Variants in BAHCC1 observed in about 807,000 individuals in gnomAD.
The protein encoded by BAHCC1 is BAH domain and coiled-coil containing 1.
In BAHCC1, 43 loss-of-function variants were observed where a neutral mutation model predicts 88.2. That is an observed-to-expected ratio of 0.49 (90% confidence interval 0.38 to 0.63). The LOEUF is 0.63. BAHCC1 is among the 20% of genes least tolerant of loss of function. The pLI is 0.00. For synonymous variants in BAHCC1, 1,510 were observed against 745.5 expected, an observed-to-expected ratio of 2.03 and a Z score of -16.71; for missense variants, 3,023 against 1,654.8, an observed-to-expected ratio of 1.83 and a Z score of -14.34.
chr17:81,416,769 T>C (rs1555648806), intron 2 of BAHCC1, among the ~76,000 whole-genome samples: 2 of 152,190 alleles, frequency 1.3e-5, no homozygotes, highest in East Asian at 3.8e-4. Flanking sequence ...CCTGTGTCAT[T>C]GACGTCGCCT....
chr17:81,434,604 C>T lies in BAHCC1; in HGVS notation c.359-3766C>T, dbSNP rs1421860385. On this transcript the variant is annotated intron_variant, in intron 3 of 27. Coordinates refer to ENST00000675386, the MANE Select transcript of BAHCC1 (RefSeq NM_001377448.1). This position sits in a 1 kb window ranked among gnomAD's most constrained non-coding sequence, Gnocchi z 4.9. Reference sequence around the variant, plus strand: ...TGCAGTGGGAAGTCCCCTGACCCCCCAGGTGATCTTGGTCCTTCTGCTGGC... The same window carrying T: ...TGCAGTGGGAAGTCCCCTGACCCCCTAGGTGATCTTGGTCCTTCTGCTGGC... 6.6e-6 allele frequency among the ~76,000 whole-genome samples: 1 copy of T among 152,114 alleles called. No individual in the cohort carries two copies. Among genetic ancestry groups the T allele is most frequent in the Non-Finnish European group, 1.5e-5 (1 of 68,000 alleles).
chr17:81,417,297 C>T (rs2064045266), intron 2 of BAHCC1, among the ~76,000 whole-genome samples: 1 of 152,154 alleles, frequency 6.6e-6, no homozygotes, highest in South Asian at 2.1e-4. Flanking sequence ...GCGCTGACCA[C>T]CCTGGTTGCA....
In BAHCC1 at chr17:81,452,124, G is replaced by C. The variant is rs782384207; in HGVS notation, c.4316+17G>C. The C allele has an allele frequency of 1.7e-6, 1 of 592,788 alleles. No homozygotes were observed. The highest frequency in any genetic ancestry group is 3.0e-6 in the Non-Finnish European group (1 of 338,070). The allele number at this position is 592,788 out of a possible 1,614,324, so 36.7% of individuals were successfully genotyped here. A position where few individuals can be genotyped will look rare whatever the true frequency, so the allele number is the denominator to read the frequency against. ...CGACCATGAGTACGCCTGGCGTGGC[G>C]GGGGGGCCTGGGAGGGTCGCAGCAC... On this transcript the variant is annotated intron_variant, in intron 13 of 27. Transcript: ENST00000675386.
chr17:81,457,403 CT>C lies in BAHCC1; in HGVS notation c.4859-6del, dbSNP rs2064769125. The C allele has an allele frequency of 1.3e-6, 1 of 765,112 alleles. No individual in the cohort carries two copies. The allele number at this position is 765,112 out of a possible 1,614,324, so 47.4% of individuals were successfully genotyped here. A position where few individuals can be genotyped will look rare whatever the true frequency, so the allele number is the denominator to read the frequency against. ...AAGTCATCAGGACCCCTCTGCCTCT[CT>C]CCCAGGCAGTGGCTATGACAGTGAG... On this transcript the variant is annotated splice_region_variant and splice_polypyrimidine_tract_variant and intron_variant, in intron 16 of 27. Transcript: ENST00000675386.
chr17:81,445,647 G>C lies in BAHCC1; in HGVS notation c.3129G>C (p.Gln1043His), dbSNP rs2064512493. The change falls in exon 10 of 28, where the codon CAG (glutamine) becomes CAC (histidine). Residue 1043 changes from glutamine to histidine, a missense_variant. Transcript: ENST00000675386. The stretch of plus-strand genomic sequence containing the variant: ...CCGAGGAAAAGAATGGGGAGGGTCA[G>C]CAGTCCACGGCCGACATCATCACAT... ...RSAEEKNGEGQQSTADIITSE... is the reference protein window; with the variant it reads ...RSAEEKNGEGHQSTADIITSE... 2.7e-6 allele frequency: 2 copies of C among 733,190 alleles called. No homozygotes were observed. Among genetic ancestry groups the C allele is most frequent in the Non-Finnish European group, 5.1e-6 (2 of 394,738 alleles). 45.4% of individuals were successfully genotyped at this position (733,190 alleles called of 1,614,324 possible).
At position 81,420,608 on chromosome 17, in the gene BAHCC1, C is replaced by T. The variant is rs1046841918; in HGVS notation, c.179-6192C>T. Among the ~76,000 whole-genome samples, 6 of 152,374 alleles carry T rather than the reference C, an allele frequency of 3.9e-5. No individual in the cohort carries two copies. The South Asian group carries it at 6.2e-4, about 16-fold the overall frequency. On this transcript the variant is annotated intron_variant, in intron 2 of 27. Transcript: ENST00000675386. Reference sequence around the variant, plus strand: ...TCCCGAAACCATTTCCTCAGCTAGCCGGCCGCCCAAGCCAGGCCTCTACAG... The same window carrying T: ...TCCCGAAACCATTTCCTCAGCTAGCTGGCCGCCCAAGCCAGGCCTCTACAG...
chr17:81,403,530 A>T (rs1235801647), intron 2 of BAHCC1, among the ~76,000 whole-genome samples: 3 of 151,012 alleles, frequency 2.0e-5, no homozygotes, highest in Non-Finnish European at 4.4e-5. Flanking sequence ...ACCAAAAAAT[A>T]CCCCCAACTT....
chr17:81,397,452 A>C (rs1222470301), intron 1 of BAHCC1, among the ~76,000 whole-genome samples: 5 of 150,604 alleles, frequency 3.3e-5, no homozygotes, highest in African/African-American at 1.2e-4. Context: ...GACTCCCTGG[A>C]GGCCGCCAGG....
intron 3 of BAHCC1, among the ~76,000 whole-genome samples, chr17:81,428,851 C>T (rs2064229502): frequency 2.0e-5 from 3 of 152,254 alleles, no homozygotes. Context: ...TGGGTTCCAT[C>T]TGCTCCCGAG....
At chr17:81,419,020 C>T (rs895242179) in intron 2 of BAHCC1, among the ~76,000 whole-genome samples, 10 of 151,934 alleles carry the variant, frequency 6.6e-5, no homozygotes, top group African/African-American at 2.2e-4. Context: ...CCCCACATCT[C>T]GAGTCTGGAC....
intron 2 of BAHCC1, among the ~76,000 whole-genome samples, chr17:81,418,501 A>C (rs1285470777): frequency 6.6e-6 from 1 of 152,046 alleles, no homozygotes; most frequent in African/African-American, 2.4e-5. Context: ...AACTTGATGG[A>C]GATCTGAGGC....
chr17:81,451,561 C>G (rs148577337), intron 11 of BAHCC1, 107 bp from the exon 12 acceptor site: 3 of 625,202 alleles, frequency 4.8e-6, no homozygotes, highest in African/African-American at 1.8e-5. Context: ...ACCCTCATCC[C>G]GGTCTTCAAG....
At chr17:81,412,728 G>T (rs1238116524) in intron 2 of BAHCC1, among the ~76,000 whole-genome samples, 1 of 152,228 alleles carries the variant, frequency 6.6e-6, no homozygotes, top group Non-Finnish European at 1.5e-5. Flanking sequence ...TGCATGAGTA[G>T]CTGGGGCTCT....
At chr17:81,425,276 T>C (rs1404624505) in intron 2 of BAHCC1, among the ~76,000 whole-genome samples, 1 of 62,924 alleles carries the variant, frequency 1.6e-5, no homozygotes, top group African/African-American at 6.7e-5. Context: ...GGGGTGATAG[T>C]GGTGGGTGTG....
chr17:81,398,154 G>A (rs1051792567), intron 1 of BAHCC1, among the ~76,000 whole-genome samples: 1 of 152,156 alleles, frequency 6.6e-6, no homozygotes, highest in Non-Finnish European at 1.5e-5. Context: ...TTTTGTTGGA[G>A]GTGATAAACA....
At chr17:81,407,540 G>A (rs1178950173) in intron 2 of BAHCC1, among the ~76,000 whole-genome samples, 3 of 152,220 alleles carry the variant, frequency 2.0e-5, no homozygotes, top group Admixed American at 6.5e-5. Flanking sequence ...TGCCCAGACC[G>A]GAGACCCAAG....
intron 27 of BAHCC1, 66 bp from the exon 28 acceptor site, chr17:81,463,545 T>C: frequency 2.6e-6 from 2 of 767,052 alleles, no homozygotes; most frequent in Non-Finnish European, 4.8e-6. Flanking sequence ...CGGGTGGTCT[T>C]TCCTGGCTGG....
intron 2 of BAHCC1, among the ~76,000 whole-genome samples, chr17:81,403,161 C>A (rs1386294267): frequency 6.6e-6 from 1 of 152,178 alleles, no homozygotes; most frequent in Admixed American, 6.5e-5. Flanking sequence ...CCGAGGCAGC[C>A]CCGGCCTGGG....
At chr17:81,423,906 T>C (rs2064143923) in intron 2 of BAHCC1, among the ~76,000 whole-genome samples, 1 of 152,110 alleles carries the variant, frequency 6.6e-6, no homozygotes, top group Non-Finnish European at 1.5e-5. Flanking sequence ...GGGCTCACCA[T>C]TTCCCACACT....
Sources: allele counts gnomAD v4.1 joint callset (sites outside exome capture counted in the v4.1 genomes callset), GRCh38; gene constraint gnomAD v4.1.1; non-coding constraint Gnocchi (gnomAD v3.1); transcripts MANE v1.5; gene names NCBI Gene and HGNC (gene_info 2026-07-23, HGNC 2026-07-21).